The following SOX6 variants were observed in gnomAD, a reference collection of about 807,000 sequenced individuals.
The protein encoded by SOX6 is transcription factor SOX-6.
Under a neutral mutation model 97.8 loss-of-function variants are expected in SOX6, and 11 were observed. The observed-to-expected ratio is 0.11, with a 90% CI of 0.07 to 0.19. SOX6 has a LOEUF of 0.19. Among genes scored for constraint, SOX6 ranks in the 10% least tolerant of loss-of-function variants. SOX6 has a pLI of 1.00. For missense variants in SOX6, 810 were observed against 1,039.5 expected, an observed-to-expected ratio of 0.78 and a Z score of 3.04; for synonymous variants, 360 against 371.4, an observed-to-expected ratio of 0.97 and a Z score of 0.35.
intron 4 of SOX6, among the ~76,000 whole-genome samples, chr11:16,201,837 T>G (rs963176222): frequency 7.4e-6 from 1 of 135,938 alleles, no homozygotes; most frequent in Non-Finnish European, 1.5e-5. Flanking sequence ...GTTTCACCGT[T>G]TTAGCCGGGA....
chr11:16,105,855 G>A (rs1225405377), intron 7 of SOX6, among the ~76,000 whole-genome samples: 1 of 152,054 alleles, frequency 6.6e-6, no homozygotes, highest in Non-Finnish European at 1.5e-5. Context: ...ATTCAGCAAA[G>A]TTGCAGAGTA....
At chr11:16,267,310 G>A (rs1044606223) in intron 3 of SOX6, among the ~76,000 whole-genome samples, 4 of 151,314 alleles carry the variant, frequency 2.6e-5, no homozygotes, top group Non-Finnish European at 4.4e-5. Flanking sequence ...AGGGATTAAC[G>A]TCCAAAATAT....
At chr11:16,100,404 C>T (rs939486582) in intron 7 of SOX6, among the ~76,000 whole-genome samples, 1 of 151,674 alleles carries the variant, frequency 6.6e-6, no homozygotes, top group African/African-American at 2.4e-5. Context: ...AAATAATGTC[C>T]ATTCTGTAAA....
intron 9 of SOX6, among the ~76,000 whole-genome samples, chr11:16,082,082 T>C (rs953721367): frequency 2.6e-5 from 4 of 152,184 alleles, no homozygotes; most frequent in Admixed American, 2.0e-4. Flanking sequence ...CTAAAAACAC[T>C]GAATTGTACT....
At chr11:16,069,461 T>C (rs757402485) in intron 9 of SOX6, among the ~76,000 whole-genome samples, 3 of 152,200 alleles carry the variant, frequency 2.0e-5, no homozygotes, top group Non-Finnish European at 2.9e-5. Flanking sequence ...AAAATGTTTT[T>C]TTCTACCATT....
chr11:16,365,977 T>G (rs990472268), intron 1 of SOX6, among the ~76,000 whole-genome samples: 2 of 152,114 alleles, frequency 1.3e-5, no homozygotes, highest in Non-Finnish European at 2.9e-5. Context: ...TAGAAGAACA[T>G]AACAATCTAT....
At chr11:16,568,425 G>C (rs979667372) in intron 4 of SOX6, among the ~76,000 whole-genome samples, 3 of 152,170 alleles carry the variant, frequency 2.0e-5, no homozygotes, top group Non-Finnish European at 4.4e-5. Context: ...AGCAGATTTG[G>C]GGAGAAGGGA....
intron 1 of SOX6, among the ~76,000 whole-genome samples, chr11:16,464,657 C>T (rs1859994028): frequency 6.6e-6 from 1 of 152,100 alleles, no homozygotes; most frequent in East Asian, 1.9e-4. Context: ...TATAAAGATG[C>T]TTCTTGGTCA....
At chr11:16,418,368 A>G (rs1421214214) in intron 1 of SOX6, among the ~76,000 whole-genome samples, 1 of 152,212 alleles carries the variant, frequency 6.6e-6, no homozygotes, top group Non-Finnish European at 1.5e-5. Context: ...AAGAGATTGG[A>G]GAATTTAAGA....
chr11:16,025,405 T>C (rs1855188808), intron 12 of SOX6, among the ~76,000 whole-genome samples: 1 of 152,220 alleles, frequency 6.6e-6, no homozygotes, highest in Non-Finnish European at 1.5e-5. Flanking sequence ...TGGAGAATTC[T>C]ATCTCCACCT....
intron 3 of SOX6, among the ~76,000 whole-genome samples, chr11:16,649,854 A>C (rs887315549): frequency 1.3e-5 from 2 of 152,122 alleles, no homozygotes; most frequent in African/African-American, 4.8e-5. Flanking sequence ...AATCGATAAA[A>C]ATCCACCAAT....
intron 3 of SOX6, among the ~76,000 whole-genome samples, chr11:16,274,875 T>A (rs1050767381): frequency 2.2e-4 from 34 of 152,260 alleles, no homozygotes; most frequent in Non-Finnish European, 3.2e-4. Context: ...TCTCACCTTA[T>A]TATTATGTCA....
chr11:16,312,082 T>A (rs1855619771), intron 3 of SOX6: 1 of 152,166 alleles, frequency 6.6e-6, no homozygotes, highest in Non-Finnish European at 1.5e-5. Context: ...CCACATACTT[T>A]TATTACCATG....
chr11:16,682,289 T>C (rs1358975744), intron 3 of SOX6, among the ~76,000 whole-genome samples: 1 of 152,158 alleles, frequency 6.6e-6, no homozygotes, highest in East Asian at 1.9e-4. Context: ...CACTGCACTC[T>C]AGCCTGGGCG....
intron 1 of SOX6, among the ~76,000 whole-genome samples, chr11:16,421,339 C>T (rs1468598951): frequency 6.6e-6 from 1 of 151,896 alleles, no homozygotes; most frequent in East Asian, 1.9e-4. Context: ...TACAGTATTG[C>T]TGGACAATTT....
intron 3 of SOX6, among the ~76,000 whole-genome samples, chr11:16,282,755 T>G (rs574327760): frequency 3.3e-5 from 5 of 151,338 alleles, no homozygotes; most frequent in Non-Finnish European, 7.4e-5. Context: ...AAACTAAATA[T>G]CAATTGTCAA....
chr11:16,466,940 A>C (rs1450028792), intron 1 of SOX6, among the ~76,000 whole-genome samples: 1 of 150,266 alleles, frequency 6.7e-6, no homozygotes, highest in Non-Finnish European at 1.5e-5. Flanking sequence ...CAAAAAAAAA[A>C]AAAAAAAAAA....
At chr11:16,099,668 C>G (rs1476959459) in intron 7 of SOX6, among the ~76,000 whole-genome samples, 9 of 149,912 alleles carry the variant, frequency 6.0e-5, no homozygotes, top group Admixed American at 6.0e-4. Flanking sequence ...TGGGGCACTC[C>G]TTTTTTCATA....
chr11:16,334,653 C>T (rs945679104), intron 2 of SOX6, among the ~76,000 whole-genome samples: 1 of 152,078 alleles, frequency 6.6e-6, no homozygotes, highest in South Asian at 2.1e-4. Flanking sequence ...GTCTCAAACT[C>T]CTGACCTCAA....
Sources: gnomAD v4.1 joint callset for allele counts (sites outside exome capture counted in the v4.1 genomes callset) on GRCh38, gnomAD v4.1.1 for gene constraint, MANE v1.5 for transcripts, NCBI Gene and HGNC (gene_info 2026-07-23, HGNC 2026-07-21) for gene names.